ASB16: variants seen among roughly 807,000 people sequenced by gnomAD.
ASB16 encodes ankyrin repeat and SOCS box protein 16.
ASB16 carries 44 observed loss-of-function variants against 39.1 expected under a neutral mutation model. That is an observed-to-expected ratio of 1.13 (90% CI 0.88 to 1.45). The LOEUF (loss-of-function observed/expected upper bound fraction) is 1.45, where lower values mean the gene tolerates loss of function less well. Among genes scored for constraint, ASB16 ranks in the 40% most tolerant of loss-of-function variants. The pLI, the probability that ASB16 is intolerant of heterozygous loss-of-function variation, is 0.00. For missense variants in ASB16, 698 were observed against 634.5 expected, an observed-to-expected ratio of 1.10 and a Z score of -1.07; for synonymous variants, 305 against 286.7, an observed-to-expected ratio of 1.06 and a Z score of -0.64.
chr17:44,172,369 C>G, intron 2 of ASB16, 56 bp downstream of exon 2: 1 of 1,569,266 alleles, frequency 6.4e-7, no homozygotes, highest in Non-Finnish European at 8.6e-7. Context: ...GTGTCTCCAG[C>G]TCACAAGGCC....
chr17:44,173,459 G>A (rs2054259775), intron 2 of ASB16, among the ~76,000 whole-genome samples: 1 of 152,090 alleles, frequency 6.6e-6, no homozygotes, highest in Non-Finnish European at 1.5e-5. Context: ...TTTGGAGGCG[G>A]AGGCAGGAGG....
At chr17:44,177,280 G>A (rs1363944385) in intron 3 of ASB16, 50 bp downstream of exon 3, 2 of 1,477,944 alleles carry the variant, frequency 1.4e-6, no homozygotes, top group Non-Finnish European at 9.0e-7. Context: ...GGGAGCCCGC[G>A]GCTGGAACTG....
chr17:44,176,669 T>TGTCA, intron 2 of ASB16, 69 bp from the exon 3 acceptor site: 1 of 1,610,272 alleles, frequency 6.2e-7, no homozygotes. Flanking sequence ...GGCAAGGGAG[T>TGTCA]GTCACAGCAA....
Position 44,177,701 on chromosome 17 carries a change from G to T in ASB16, c.1155G>T (p.Ala385=), listed in dbSNP as rs141164758. The change falls in exon 4 of 5, where the codon GCG becomes GCT. Residue 385 remains alanine, a synonymous_variant. Coordinates refer to ENST00000293414, the MANE Select transcript of ASB16 (RefSeq NM_080863.5). ...CVPSCETWVE[A]VLPELWKEHE... The stretch of plus-strand genomic sequence containing the variant: ...CATCCTGTGAGACCTGGGTGGAGGC[G>T]GTGCTCCCAGAGCTGTGGAAGGTAT... The T allele has an allele frequency of 1.8e-3, 2,888 of 1,613,788 alleles. 3 individuals carry two copies. Among genetic ancestry groups the T allele is most frequent in the Non-Finnish European group, 2.3e-3 (2,722 of 1,179,790 alleles).
At chr17:44,175,258 C>T (rs950234485) in intron 2 of ASB16, among the ~76,000 whole-genome samples, 17 of 151,306 alleles carry the variant, frequency 1.1e-4, no homozygotes, top group South Asian at 2.1e-4. Flanking sequence ...AAAAATTAGC[C>T]GGGCATGGTG....
In ASB16 at chr17:44,170,710, C is replaced by A; in HGVS notation, c.-80C>A. 6.8e-7 allele frequency: 1 copy of A among 1,462,378 alleles called. No individual in the cohort carries two copies. Among genetic ancestry groups the A allele is most frequent in the Non-Finnish European group, 9.2e-7 (1 of 1,085,922 alleles). 90.6% of individuals were successfully genotyped at this position (1,462,378 alleles called of 1,614,324 possible). ...TCACGGTGGCGGGGGCAGGGTGGCT[C>A]CTCAGAGCAAGGGAGGTAGTCGGGT... On this transcript the variant is annotated 5_prime_UTR_variant, in exon 1 of 5. Transcript: ENST00000293414.
chr17:44,172,003 CCT>C, intron 1 of ASB16, 41 bp from the exon 2 acceptor site: 4 of 1,581,716 alleles, frequency 2.5e-6, no homozygotes, highest in South Asian at 2.3e-5. Flanking sequence ...CCTGCCCTGC[CCT>C]GTCTTATACA....
intron 1 of ASB16, among the ~76,000 whole-genome samples, chr17:44,171,420 CG>C (rs886080144): frequency 5.0e-4 from 76 of 152,056 alleles, no homozygotes; most frequent in African/African-American, 1.8e-3. Flanking sequence ...AAAAATTAGC[CG>C]GGCATGGTGG....
rs150322450 is a variant in ASB16, at chr17:44,177,719, G to A, written c.1173G>A (p.Trp391Ter). 2 of 1,613,420 alleles carry A rather than the reference G, an allele frequency of 1.2e-6. No homozygotes were observed. Among genetic ancestry groups the A allele is most frequent in the Non-Finnish European group, 1.7e-6 (2 of 1,179,642 alleles). ...TWVEAVLPEL[W>*]KEHEAFYSSA... Reference sequence around the variant, plus strand: ...TGGAGGCGGTGCTCCCAGAGCTGTGGAAGGTATGTTTGCCTCAGGGCCGAG... The same window carrying A: ...TGGAGGCGGTGCTCCCAGAGCTGTGAAAGGTATGTTTGCCTCAGGGCCGAG... Residue 391 changes from tryptophan to a stop codon, truncating the protein, a stop_gained, in exon 4 of 5, where the codon TGG becomes TGA. Coordinates refer to ENST00000293414, the MANE Select transcript of ASB16 (RefSeq NM_080863.5). LOFTEE classifies it high-confidence loss of function.
chr17:44,176,692 C>G, intron 2 of ASB16, 46 bp from the exon 3 acceptor site: 1 of 1,613,616 alleles, frequency 6.2e-7, no homozygotes, highest in Non-Finnish European at 8.5e-7. Flanking sequence ...TGAAGGGGTC[C>G]CAAGCCTTCA....
At chr17:44,172,363 C>T in intron 2 of ASB16, 50 bp downstream of exon 2, 1 of 1,376,688 alleles carries the variant, frequency 7.3e-7, no homozygotes, top group Non-Finnish European at 9.8e-7. Flanking sequence ...GTGTGTGTGT[C>T]TCCAGCTCAC....
At chr17:44,172,340 T>C in intron 2 of ASB16, 27 bp downstream of exon 2, 1 of 1,574,816 alleles carries the variant, frequency 6.3e-7, no homozygotes, top group Non-Finnish European at 8.5e-7. Flanking sequence ...TGAGACAGTT[T>C]GGGGAGAAAT....
chr17:44,176,505 C>T (rs573106008), intron 2 of ASB16: 1 of 647,810 alleles, frequency 1.5e-6, no homozygotes, highest in East Asian at 2.7e-5. Context: ...GTGTCCTTGG[C>T]TGCACAAATC....
At chr17:44,176,693 C>G in intron 2 of ASB16, 45 bp from the exon 3 acceptor site, 1 of 1,613,672 alleles carries the variant, frequency 6.2e-7, no homozygotes, top group Non-Finnish European at 8.5e-7. Flanking sequence ...GAAGGGGTCC[C>G]AAGCCTTCAG....
In ASB16 at chr17:44,170,770, C is replaced by T. The variant is rs777744675; in HGVS notation, c.-20C>T. ...CTGGCTCTGCCCAGGTGCCACTGCC[C>T]AAACCCCTGGGCCCCATCCATGGCA... is the stretch of plus-strand genomic sequence containing the variant. On this transcript the variant is annotated 5_prime_UTR_variant, in exon 1 of 5. Coordinates refer to ENST00000293414, the MANE Select transcript of ASB16 (RefSeq NM_080863.5). 2 of 1,565,112 alleles carry T rather than the reference C, an allele frequency of 1.3e-6. No individual in the cohort carries two copies. The highest frequency in any genetic ancestry group is 3.6e-5 in the Admixed American group (2 of 55,340).
intron 3 of ASB16, 75 bp downstream of exon 3, chr17:44,177,305 A>G (rs1598125081): frequency 1.4e-6 from 2 of 1,454,050 alleles, no homozygotes; most frequent in East Asian, 2.6e-5. Context: ...GCTTCTGGGG[A>G]AGACAGAGGG....
At chr17:44,172,445 C>A in intron 2 of ASB16, 132 bp downstream of exon 2, 1 of 1,054,330 alleles carries the variant, frequency 9.5e-7, no homozygotes, top group Non-Finnish European at 1.3e-6. Flanking sequence ...TACACATCTT[C>A]ACAATAACCT....
chr17:44,172,394 G>A, intron 2 of ASB16, 81 bp downstream of exon 2: 3 of 1,515,172 alleles, frequency 2.0e-6, no homozygotes, highest in Non-Finnish European at 2.7e-6. Context: ...GAGGGAACCT[G>A]ACAACCACAT....
At position 44,178,460 on chromosome 17, in the gene ASB16, C is replaced by A; in HGVS notation, c.*70C>A. 6.9e-7 allele frequency: 1 copy of A among 1,441,364 alleles called. No individual in the cohort carries two copies. The highest frequency in any genetic ancestry group is 9.3e-7 in the Non-Finnish European group (1 of 1,072,126). The allele number at this position is 1,441,364 out of a possible 1,614,324, so 89.3% of individuals were successfully genotyped here. A position where few individuals can be genotyped will look rare whatever the true frequency, so the allele number is the denominator to read the frequency against. On this transcript the variant is annotated 3_prime_UTR_variant, in exon 5 of 5. Transcript: ENST00000293414. Reference sequence around the variant, plus strand: ...TGTCCCCGCCTCCAACTGCGGAGGACCAGTTCCTGGCCCTCTTTTCTTTTC... The same window carrying A: ...TGTCCCCGCCTCCAACTGCGGAGGAACAGTTCCTGGCCCTCTTTTCTTTTC...
Sources: gnomAD v4.1 joint callset for allele counts (sites outside exome capture counted in the v4.1 genomes callset) on GRCh38, gnomAD v4.1.1 for gene constraint, MANE v1.5 for transcripts, NCBI Gene and HGNC (gene_info 2026-07-23, HGNC 2026-07-21) for gene names.